DNAJC27: variants seen among roughly 807,000 people sequenced by gnomAD.
DNAJC27 encodes the protein DnaJ heat shock protein family (Hsp40) member C27.
DNAJC27 carries 25 observed loss-of-function variants against 31.4 expected under a neutral mutation model. The ratio of observed to expected loss-of-function variants is 0.80; its 90% CI spans 0.58 to 1.11. The LOEUF is 1.11. Ranked by LOEUF, DNAJC27 falls within the 50% of genes most tolerant of loss-of-function variation. The pLI is 0.00. For missense variants in DNAJC27, 356 were observed against 347.3 expected, an observed-to-expected ratio of 1.02 and a Z score of -0.20; for synonymous variants, 106 against 112.7, an observed-to-expected ratio of 0.94 and a Z score of 0.37.
intron 3 of DNAJC27, among the ~76,000 whole-genome samples, chr2:24,959,114 C>CT (rs1187728767): frequency 6.6e-6 from 1 of 152,082 alleles, no homozygotes; most frequent in Admixed American, 6.6e-5. Flanking sequence ...CCCACCAGTC[C>CT]TTTCCCTCAG....
At chr2:24,969,370 T>A (rs1238929811) in intron 1 of DNAJC27, 1 of 163,578 alleles carries the variant, frequency 6.1e-6, no homozygotes, top group Non-Finnish European at 1.3e-5. Flanking sequence ...GAAACCAACA[T>A]GGGAATGCAT....
At chr2:24,969,841 A>G (rs938565624) in intron 1 of DNAJC27, among the ~76,000 whole-genome samples, 1 of 151,186 alleles carries the variant, frequency 6.6e-6, no homozygotes, top group Admixed American at 6.6e-5. Flanking sequence ...TTTCCCCACA[A>G]TTTTCTTTGT....
intron 3 of DNAJC27, 113 bp from the exon 4 acceptor site, chr2:24,958,087 T>C (rs115525250): frequency 1.8e-4 from 173 of 969,726 alleles, no homozygotes; most frequent in Non-Finnish European, 2.4e-4. Flanking sequence ...TAGTGTTTGC[T>C]ATTGTATCTG....
At chr2:24,952,284 C>T (rs973813494) in intron 5 of DNAJC27, among the ~76,000 whole-genome samples, 3 of 152,066 alleles carry the variant, frequency 2.0e-5, no homozygotes, top group Admixed American at 6.5e-5. Flanking sequence ...AAAAATTTAC[C>T]ATCAGTATGC....
chr2:24,966,498 G>A (rs1280785295), intron 2 of DNAJC27, among the ~76,000 whole-genome samples: 2 of 150,748 alleles, frequency 1.3e-5, no homozygotes, highest in African/African-American at 4.9e-5. Context: ...TCTCACTGTC[G>A]CCCAGGCTGG....
At chr2:24,967,331 T>C (rs765953212) in intron 1 of DNAJC27, 38 bp from the exon 2 acceptor site, 52 of 1,287,592 alleles carry the variant, frequency 4.0e-5, no homozygotes, top group Non-Finnish European at 4.9e-5. Context: ...AGTAAATACA[T>C]AGTGAGAACA....
chr2:24,966,107 G>A (rs1203477247), intron 2 of DNAJC27, among the ~76,000 whole-genome samples: 1 of 152,136 alleles, frequency 6.6e-6, no homozygotes, highest in African/African-American at 2.4e-5. Flanking sequence ...GACCAATAAA[G>A]GGCATGTTTA....
At position 24,971,950 on chromosome 2, in the gene DNAJC27, AC is replaced by A. The variant is rs1050715990; in HGVS notation, c.-47del. The A allele has an allele frequency of 3.5e-6, 5 of 1,434,876 alleles. No individual in the cohort carries two copies. Among genetic ancestry groups the A allele is most frequent in the Admixed American group, 2.2e-5 (1 of 44,994 alleles). The allele number at this position is 1,434,876 out of a possible 1,614,324, so 88.9% of individuals were successfully genotyped here. The stretch of plus-strand genomic sequence containing the variant: ...CACCCGCCTCGGTCTCTTCTTGTGC[AC>A]CGCTGGCCCGTCCCTCAGGCCTCCT... On this transcript the variant is annotated 5_prime_UTR_variant, in exon 1 of 7. Coordinates refer to ENST00000264711, the MANE Select transcript of DNAJC27 (RefSeq NM_016544.3).
intron 5 of DNAJC27, chr2:24,953,584 CT>C (rs940715814): frequency 0.012 from 4,579 of 369,056 alleles, 2 homozygotes; most frequent in Non-Finnish European, 0.015. Flanking sequence ...TTCTTGTTAG[CT>C]TTTTTTTTTT....
At chr2:24,957,734 T>C (rs1165692732) in intron 4 of DNAJC27, 76 bp downstream of exon 4, 1 of 1,369,732 alleles carries the variant, frequency 7.3e-7, no homozygotes, top group East Asian at 2.3e-5. Flanking sequence ...GAATTTTTCT[T>C]TTCTTTTTGT....
At chr2:24,955,023 CA>C (rs1285910668) in intron 5 of DNAJC27, among the ~76,000 whole-genome samples, 1 of 152,136 alleles carries the variant, frequency 6.6e-6, no homozygotes, top group Non-Finnish European at 1.5e-5. Flanking sequence ...GTCTGGTGTT[CA>C]ATCAAAAACC....
intron 2 of DNAJC27, among the ~76,000 whole-genome samples, chr2:24,966,699 C>T (rs751508272): frequency 2.0e-5 from 3 of 152,072 alleles, no homozygotes; most frequent in East Asian, 1.9e-4. Context: ...CCTCGTTATC[C>T]GCCCGTCTCG....
At chr2:24,954,952 A>AG (rs1665870703) in intron 5 of DNAJC27, among the ~76,000 whole-genome samples, 1 of 152,176 alleles carries the variant, frequency 6.6e-6, no homozygotes, top group South Asian at 2.1e-4. Context: ...AGAAAAAAAA[A>AG]CCAACGGTCT....
intron 5 of DNAJC27, among the ~76,000 whole-genome samples, chr2:24,952,086 C>T (rs2149121978): frequency 6.6e-6 from 1 of 152,282 alleles, no homozygotes; most frequent in Non-Finnish European, 1.5e-5. Flanking sequence ...TGTACTCCAG[C>T]CTGGGTGACA....
intron 1 of DNAJC27, among the ~76,000 whole-genome samples, chr2:24,968,561 G>A (rs1396749356): frequency 6.6e-6 from 1 of 151,648 alleles, no homozygotes; most frequent in African/African-American, 2.4e-5. Context: ...TGGCCAGGAT[G>A]GTCTCGATCT....
rs1666350746 is a variant in DNAJC27 at position 24,971,857 on chromosome 2, G to A, written c.48C>T (p.Arg16=). ...CGTTGCCCATGGAGATGACTTTGATGCGGAGAGACCTGCCGGGCTCCTTCC... is the reference window on the plus strand; with the variant it reads ...CGTTGCCCATGGAGATGACTTTGATACGGAGAGACCTGCCGGGCTCCTTCC... ...PKRKEPGRSL[R]IKVISMGNAE... The change falls in exon 1 of 7, where the codon CGC becomes CGT. Residue 16 remains arginine, a synonymous_variant. Coordinates refer to ENST00000264711, the MANE Select transcript of DNAJC27 (RefSeq NM_016544.3). 1 of 1,609,266 alleles carries A rather than the reference G, an allele frequency of 6.2e-7. No homozygotes were observed. Among genetic ancestry groups the A allele is most frequent in the African/African-American group, 1.3e-5 (1 of 74,566 alleles).
intron 3 of DNAJC27, among the ~76,000 whole-genome samples, chr2:24,958,759 T>C (rs557267582): frequency 2.0e-4 from 30 of 152,316 alleles, no homozygotes; most frequent in African/African-American, 7.0e-4. Context: ...TCATTCCAAA[T>C]GTGGGAAGAG....
chr2:24,963,183 G>A (rs1041241995), intron 3 of DNAJC27: 3 of 408,408 alleles, frequency 7.3e-6, no homozygotes, highest in Admixed American at 4.2e-5. Context: ...TTATTGAAAT[G>A]TTTGAAATAT....
intron 6 of DNAJC27, 34 bp downstream of exon 6, chr2:24,951,360 T>G (rs368938324): frequency 6.3e-7 from 1 of 1,576,134 alleles, no homozygotes. Flanking sequence ...TTCTTTATGA[T>G]AGCAATCAGC....
Sources: gnomAD v4.1 joint callset for allele counts (sites outside exome capture counted in the v4.1 genomes callset) on GRCh38, gnomAD v4.1.1 for gene constraint, MANE v1.5 for transcripts, NCBI Gene and HGNC (gene_info 2026-07-23, HGNC 2026-07-21) for gene names.